AKAP12: variants seen among roughly 807,000 people sequenced by gnomAD.
AKAP12 encodes A-kinase anchor protein 12.
In AKAP12, 32 loss-of-function variants were observed where a neutral mutation model predicts 79.9. The observed-to-expected ratio is 0.40, with a 90% CI of 0.30 to 0.54. AKAP12 has a LOEUF of 0.54. AKAP12 is among the 20% of genes least tolerant of loss of function. The probability of loss-of-function intolerance (pLI) is 0.48; values close to 1 mark genes in which losing one functional copy is unlikely to be tolerated. For synonymous variants in AKAP12, 808 were observed against 857.0 expected (o/e 0.94, Z 1.00); for missense variants, 2,074 against 2,177.0 (o/e 0.95, Z 0.94).
chr6:151,251,311 G>A (rs983791279), intron 2 of AKAP12, among the ~76,000 whole-genome samples: 1 of 152,296 alleles, frequency 6.6e-6, no homozygotes, highest in South Asian at 2.1e-4. Context: ...AGGTGAGTGC[G>A]TCGTGAACCC....
chr6:151,253,947 A>T (rs1437396008), intron 2 of AKAP12, among the ~76,000 whole-genome samples: 1 of 152,028 alleles, frequency 6.6e-6, no homozygotes, highest in African/African-American at 2.4e-5. Flanking sequence ...GACCTCAGGT[A>T]ATCTGCCTCC....
intron 2 of AKAP12, among the ~76,000 whole-genome samples, chr6:151,256,181 C>G (rs1797294314): frequency 6.6e-6 from 1 of 152,124 alleles, no homozygotes; most frequent in African/African-American, 2.4e-5. Flanking sequence ...GGAAGAAATA[C>G]TGATTGAAAA....
In AKAP12 at chr6:151,348,705, TA is replaced by T; in HGVS notation, c.320-4del. On this transcript the variant is annotated splice_region_variant and splice_polypyrimidine_tract_variant and intron_variant, in intron 3 of 4. Transcript: ENST00000402676. ...TCCCCACCCCCCCGCCCCTTTTTGT[TA>T]ATAGTTGGACAGAGAGACTCTGAAG... 2 of 539,976 alleles carry T rather than the reference TA, an allele frequency of 3.7e-6. No individual in the cohort carries two copies. Among genetic ancestry groups the T allele is most frequent in the Non-Finnish European group, 6.0e-6 (2 of 333,370 alleles). 33.4% of individuals were successfully genotyped at this position (539,976 alleles called of 1,614,324 possible). A position where few individuals can be genotyped will look rare whatever the true frequency, so the allele number is the denominator to read the frequency against.
chr6:151,305,879 G>A lies in AKAP12; in HGVS notation c.295G>A (p.Glu99Lys), dbSNP rs1253842689. ...TCAAGGAGCCCTAAACAGCCAGGAG[G>A]AAGAAGAAGTCATTGTCACAGAGGG... Reference protein sequence around the residue: ...NGQGALNSQEEEEVIVTEVGQ... With the variant: ...NGQGALNSQEKEEVIVTEVGQ... The change falls in exon 3 of 5, where the codon GAA becomes AAA. Residue 99 changes from glutamate (E) to lysine (K), a missense_variant. By Grantham distance (56) the Glu-to-Lys change is moderately conservative. Coordinates refer to ENST00000402676, the MANE Select transcript of AKAP12 (RefSeq NM_005100.4). 2 of 1,607,392 alleles carry A rather than the reference G, an allele frequency of 1.2e-6. No homozygotes were observed. The highest frequency in any genetic ancestry group is 2.2e-5 in the South Asian group (2 of 90,552).
chr6:151,270,431 A>G (rs1776157626), intron 2 of AKAP12, among the ~76,000 whole-genome samples: 1 of 152,214 alleles, frequency 6.6e-6, no homozygotes, highest in Non-Finnish European at 1.5e-5. Flanking sequence ...GCAGCAGTTG[A>G]TAGACATTGG....
chr6:151,325,047 C>T, intron 3 of AKAP12: 2 of 985,394 alleles, frequency 2.0e-6, no homozygotes, highest in South Asian at 4.7e-5. Context: ...GAAAAGTTGC[C>T]TTGGTCAAGT....
intron 3 of AKAP12, among the ~76,000 whole-genome samples, chr6:151,308,613 C>T (rs1444015653): frequency 6.6e-6 from 1 of 152,180 alleles, no homozygotes; most frequent in Non-Finnish European, 1.5e-5. Context: ...GCTACAGAGG[C>T]TACCCACCAG....
intron 2 of AKAP12, among the ~76,000 whole-genome samples, chr6:151,289,064 G>A (rs1776563285): frequency 6.6e-6 from 1 of 152,134 alleles, no homozygotes; most frequent in East Asian, 1.9e-4. Flanking sequence ...ATTTTTTGCT[G>A]GAGGATTTTT....
In AKAP12 at chr6:151,348,942, C is replaced by T. The variant is rs773003523; in HGVS notation, c.551C>T (p.Thr184Ile). The T allele has an allele frequency of 1.7e-5, 28 of 1,613,878 alleles. No homozygotes were observed. Among genetic ancestry groups the T allele is most frequent in the Non-Finnish European group, 2.4e-5 (28 of 1,179,976 alleles). ...KVFKFVGFKF[T>I]VKKDKTEKPD... Reference sequence around the variant, plus strand: ...TTTAAGTTTGTTGGCTTTAAATTCACTGTGAAAAAGGATAAGACAGAGAAG... The same window carrying T: ...TTTAAGTTTGTTGGCTTTAAATTCATTGTGAAAAAGGATAAGACAGAGAAG... Residue 184 changes from threonine to isoleucine, a missense_variant, in exon 4 of 5, where the codon ACT (threonine) becomes ATT (isoleucine). Transcript: ENST00000402676.
chr6:151,342,687 G>A (rs1777983424), intron 3 of AKAP12, among the ~76,000 whole-genome samples: 1 of 152,186 alleles, frequency 6.6e-6, no homozygotes, highest in South Asian at 2.1e-4. Context: ...ATTTTATTAT[G>A]TGTTCAACTC....
At chr6:151,300,981 G>A (rs1057407249) in intron 2 of AKAP12, among the ~76,000 whole-genome samples, 54 of 152,290 alleles carry the variant, frequency 3.5e-4, no homozygotes, top group African/African-American at 1.3e-3. Flanking sequence ...ACTAAGTTCA[G>A]GGTGGAGGGA....
At chr6:151,250,885 C>T (rs1257048524) in intron 2 of AKAP12, among the ~76,000 whole-genome samples, 1 of 152,080 alleles carries the variant, frequency 6.6e-6, no homozygotes, top group Non-Finnish European at 1.5e-5. Flanking sequence ...GGATTACAGG[C>T]GTGAGCCACT....
rs760973360 is a variant in AKAP12 at position 151,351,236 on chromosome 6, A to G, written c.2845A>G (p.Thr949Ala). ...AGTAATTGCAGAAGAAGAACCCCCCACGGTTACTGAACCTCTGCCAGAGAA... is the reference window on the plus strand; with the variant it reads ...AGTAATTGCAGAAGAAGAACCCCCCGCGGTTACTGAACCTCTGCCAGAGAA... Reference protein sequence around the residue: ...REVIAEEEPPTVTEPLPENRE... With the variant: ...REVIAEEEPPAVTEPLPENRE... Residue 949 changes from threonine (T) to alanine (A), a missense_variant, in exon 4 of 5, where the codon ACG becomes GCG. By Grantham distance (58) the Thr-to-Ala change is moderately conservative. Coordinates refer to ENST00000402676, the MANE Select transcript of AKAP12 (RefSeq NM_005100.4). This position sits in a 1 kb window ranked among gnomAD's most constrained non-coding sequence, Gnocchi z 4.4. 6.2e-7 allele frequency: 1 copy of G among 1,614,160 alleles called. No homozygotes were observed. Among genetic ancestry groups the G allele is most frequent in the Non-Finnish European group, 8.5e-7 (1 of 1,180,034 alleles).
intron 2 of AKAP12, among the ~76,000 whole-genome samples, chr6:151,259,509 T>TACAC (rs1292268852): frequency 0.021 from 1,909 of 91,994 alleles, 59 homozygotes; most frequent in African/African-American, 0.066. Context: ...TGTATATATA[T>TACAC]ATACACACAC....
At chr6:151,255,889 G>A (rs1233288999) in intron 2 of AKAP12, among the ~76,000 whole-genome samples, 1 of 152,192 alleles carries the variant, frequency 6.6e-6, no homozygotes, top group African/African-American at 2.4e-5. Context: ...CCTTTTAACT[G>A]AACTTGAACT....
intron 2 of AKAP12, among the ~76,000 whole-genome samples, chr6:151,248,106 A>G (rs1375442886): frequency 2.6e-5 from 4 of 152,150 alleles, no homozygotes; most frequent in Non-Finnish European, 5.9e-5. Flanking sequence ...GTTATATGCA[A>G]ATACTGCAAA....
chr6:151,333,842 TGTG>T, intron 3 of AKAP12, among the ~76,000 whole-genome samples: 1 of 150,758 alleles, frequency 6.6e-6, no homozygotes, highest in Admixed American at 6.6e-5. Context: ...ACCTGGGAAA[TGTG>T]GGGGTGATTT....
intron 3 of AKAP12, among the ~76,000 whole-genome samples, chr6:151,309,348 C>T (rs1385496768): frequency 6.6e-6 from 1 of 152,150 alleles, no homozygotes; most frequent in Non-Finnish European, 1.5e-5. Flanking sequence ...ATTTTGGTCC[C>T]TGGGAGGACT....
At chr6:151,320,316 T>G (rs1289368420) in intron 3 of AKAP12, among the ~76,000 whole-genome samples, 2 of 151,900 alleles carry the variant, frequency 1.3e-5, no homozygotes, top group East Asian at 3.9e-4. Flanking sequence ...GATGGGATCT[T>G]GCTGTGTTGC....
Sources: gnomAD v4.1 joint callset for allele counts (sites outside exome capture counted in the v4.1 genomes callset) on GRCh38, gnomAD v4.1.1 for gene constraint, Gnocchi (gnomAD v3.1) non-coding constraint, MANE v1.5 for transcripts, NCBI Gene and HGNC (gene_info 2026-07-23, HGNC 2026-07-21) for gene names.